The following SMARCAD1 variants were observed in gnomAD, a reference collection of about 807,000 sequenced individuals.
The protein encoded by SMARCAD1 is SWI/SNF-related matrix-associated actin-dependent regulator of chromatin subfamily A containing DEAD/H box 1.
SMARCAD1 carries 25 observed loss-of-function variants against 127.1 expected under a neutral mutation model. The ratio of observed to expected loss-of-function variants is 0.20; its 90% confidence interval spans 0.14 to 0.27. The LOEUF (loss-of-function observed/expected upper bound fraction) is 0.27, where lower values mean the gene tolerates loss of function less well. Ranked by LOEUF, SMARCAD1 falls within the 10% of genes least tolerant of loss-of-function variation. The pLI, the probability that SMARCAD1 is intolerant of heterozygous loss-of-function variation, is 1.00. For synonymous variants in SMARCAD1, 400 were observed against 396.9 expected (o/e 1.01, Z -0.09); for missense variants, 807 against 1,206.0 (o/e 0.67, Z 4.90).
intron 15 of SMARCAD1, 48 bp downstream of exon 15, chr4:94,276,522 T>C: frequency 6.3e-7 from 1 of 1,591,940 alleles, no homozygotes; most frequent in Non-Finnish European, 8.6e-7. Flanking sequence ...AAATTTAGAT[T>C]ACGTAATTTA....
chr4:94,212,952 T>C, intron 2 of SMARCAD1: 1 of 647,964 alleles, frequency 1.5e-6, no homozygotes, highest in South Asian at 1.5e-5. Flanking sequence ...TGATTTATTT[T>C]ACTCTTCTCG....
At chr4:94,265,256 A>G (rs1751559569) in intron 10 of SMARCAD1, among the ~76,000 whole-genome samples, 1 of 152,004 alleles carries the variant, frequency 6.6e-6, no homozygotes, top group Non-Finnish European at 1.5e-5. Flanking sequence ...TCCTAAAAAA[A>G]GTCAGCTGCT....
At chr4:94,223,823 C>T (rs1389437413) in intron 2 of SMARCAD1, among the ~76,000 whole-genome samples, 2 of 150,902 alleles carry the variant, frequency 1.3e-5, no homozygotes, top group East Asian at 3.9e-4. Flanking sequence ...CCTTGTGATC[C>T]GCCCACCTCG....
intron 11 of SMARCAD1, among the ~76,000 whole-genome samples, chr4:94,272,867 C>A (rs558832822): frequency 6.6e-6 from 1 of 151,912 alleles, no homozygotes. Context: ...AGTGCAGCGG[C>A]GCACTCTCAG....
chr4:94,278,393 C>A lies in SMARCAD1; in HGVS notation c.2083-29C>A, dbSNP rs758439358. ...TTGCAATAATTTAAGTGAATAATTCCTAAAAGGATATGTTTTTATTTTGCT... is the reference window on the plus strand; with the variant it reads ...TTGCAATAATTTAAGTGAATAATTCATAAAAGGATATGTTTTTATTTTGCT... On this transcript the variant is annotated intron_variant, in intron 16 of 23. Transcript: ENST00000354268. 1.4e-5 allele frequency: 22 copies of A among 1,556,066 alleles called. No homozygotes were observed. In the South Asian group the frequency reaches 2.2e-4, roughly 16 times the overall value.
intron 6 of SMARCAD1, among the ~76,000 whole-genome samples, chr4:94,242,203 T>C (rs1003812751): frequency 4.1e-5 from 6 of 146,842 alleles, no homozygotes; most frequent in Non-Finnish European, 9.2e-5. Flanking sequence ...CCAGCTGTTT[T>C]TTTGTTTTTT....
At chr4:94,270,032 A>G (rs953845827) in intron 10 of SMARCAD1, among the ~76,000 whole-genome samples, 1 of 151,756 alleles carries the variant, frequency 6.6e-6, no homozygotes, top group Admixed American at 6.6e-5. Context: ...GTCTGTTTAT[A>G]TGTTTCCAAA....
chr4:94,253,482 A>T (rs895712575), intron 9 of SMARCAD1: 1 of 1,135,790 alleles, frequency 8.8e-7, no homozygotes, highest in Admixed American at 4.5e-5. Flanking sequence ...CTTCACCACA[A>T]AAGAAGCAAT....
At chr4:94,233,807 AAAG>A in intron 3 of SMARCAD1, 144 bp from the exon 4 acceptor site, 2 of 834,786 alleles carry the variant, frequency 2.4e-6, no homozygotes, top group East Asian at 2.7e-5. Flanking sequence ...AATGGAAAAA[AAAG>A]GTCTCTTTCT....
chr4:94,227,066 CTTAA>C (rs1035274399), intron 3 of SMARCAD1, among the ~76,000 whole-genome samples: 2 of 151,898 alleles, frequency 1.3e-5, no homozygotes, highest in African/African-American at 4.8e-5. Context: ...GAAGACAGTG[CTTAA>C]TTGAGAAGAC....
chr4:94,229,511 T>C (rs1453392899), intron 3 of SMARCAD1, among the ~76,000 whole-genome samples: 1 of 152,122 alleles, frequency 6.6e-6, no homozygotes, highest in Non-Finnish European at 1.5e-5. Context: ...GGCTGTTGTG[T>C]TTGTTTGAGG....
At chr4:94,221,611 A>G (rs1744142452) in intron 2 of SMARCAD1, among the ~76,000 whole-genome samples, 1 of 152,264 alleles carries the variant, frequency 6.6e-6, no homozygotes, top group African/African-American at 2.4e-5. Context: ...GTATTAAACC[A>G]GAGATTTTGA....
At chr4:94,225,480 C>G (rs756843897) in intron 2 of SMARCAD1, among the ~76,000 whole-genome samples, 10 of 152,202 alleles carry the variant, frequency 6.6e-5, no homozygotes, top group Non-Finnish European at 4.4e-5. Context: ...GAGTAGGGCC[C>G]ACACACATGA....
rs2306802 is a variant in SMARCAD1 at position 94,264,904 on chromosome 4, A to G, written c.1479A>G (p.Gln493=). 616,455 of 1,606,762 alleles carry G rather than the reference A, an allele frequency of 0.38. 122,727 individuals carry two copies. The highest frequency in any genetic ancestry group is 0.49 in the East Asian group (21,717 of 44,692). ...TAGAACAACCTTCCATTCTAAACCA[A>G]AGGTAATCTTTGTTGAATATATTTA... ...WNIEQPSILN[Q]SLSLKPYQKV... is the part of the protein sequence containing the mutation. The change falls in exon 10 of 24, where the codon CAA becomes CAG. Residue 493 remains glutamine (Q), a splice_region_variant and synonymous_variant. Transcript: ENST00000354268.
chr4:94,227,563 G>T (rs2125839276), intron 3 of SMARCAD1, among the ~76,000 whole-genome samples: 1 of 152,234 alleles, frequency 6.6e-6, no homozygotes, highest in South Asian at 2.1e-4. Context: ...CATGTGGGTT[G>T]GGAGATAAAG....
intron 6 of SMARCAD1, chr4:94,248,480 G>A (rs999495877): frequency 1.1e-5 from 5 of 456,052 alleles, no homozygotes; most frequent in African/African-American, 2.0e-5. Context: ...TGGAATTTCA[G>A]TGTGCCTGGG....
At chr4:94,240,851 A>G (rs1393680076) in intron 5 of SMARCAD1, 55 bp from the exon 6 acceptor site, 14 of 1,345,898 alleles carry the variant, frequency 1.0e-5, no homozygotes, top group Non-Finnish European at 1.5e-5. Context: ...TTTACATTAA[A>G]TTGATTTTTT....
chr4:94,250,890 A>G, intron 8 of SMARCAD1, 57 bp downstream of exon 8: 3 of 1,331,964 alleles, frequency 2.3e-6, no homozygotes, highest in South Asian at 1.2e-5. Context: ...GTATTTTAGT[A>G]TATAAGAAAA....
intron 2 of SMARCAD1, among the ~76,000 whole-genome samples, chr4:94,209,069 C>G (rs1741757044): frequency 6.6e-6 from 1 of 152,172 alleles, no homozygotes; most frequent in African/African-American, 2.4e-5. Context: ...CCTGGATGTC[C>G]TCAGAATGCA....
Sources: gnomAD v4.1 joint callset for allele counts (sites outside exome capture counted in the v4.1 genomes callset) on GRCh38, gnomAD v4.1.1 for gene constraint, MANE v1.5 for transcripts, NCBI Gene and HGNC (gene_info 2026-07-23, HGNC 2026-07-21) for gene names.